LRRC56: variants seen among roughly 807,000 people sequenced by gnomAD.
LRRC56 encodes leucine-rich repeat-containing protein 56.
Under a neutral mutation model 47.8 loss-of-function variants are expected in LRRC56, and 41 were observed. That is an observed-to-expected ratio of 0.86 (90% CI 0.67 to 1.11). The LOEUF (loss-of-function observed/expected upper bound fraction) is 1.11, where lower values mean the gene tolerates loss of function less well. LRRC56 is among the 50% of genes most tolerant of loss of function. The pLI is 0.00. For synonymous variants in LRRC56, 387 were observed against 311.2 expected (o/e 1.24, Z -2.56); for missense variants, 759 against 704.2 (o/e 1.08, Z -0.88).
upstream of LRRC56, chr11:533,283 A>C: frequency 6.3e-7 from 1 of 1,592,280 alleles, no homozygotes; most frequent in Non-Finnish European, 8.5e-7. Context: ...TTACAGCGCG[A>C]GGGGCCGCTG....
rs772203177 is a variant in LRRC56 at position 540,874 on chromosome 11, G to A, written c.177+13G>A. On this transcript the variant is annotated intron_variant, in intron 4 of 13. Coordinates refer to ENST00000270115, the MANE Select transcript of LRRC56 (RefSeq NM_198075.4). ...CCCTGCCCGGCTGGTGAGTGTGGGCGCTGGGGGCTGTGGCCACAGAGGCCT... is the reference window on the plus strand; with the variant it reads ...CCCTGCCCGGCTGGTGAGTGTGGGCACTGGGGGCTGTGGCCACAGAGGCCT... The A allele has an allele frequency of 1.2e-5, 18 of 1,530,580 alleles. No individual in the cohort carries two copies. Among genetic ancestry groups the A allele is most frequent in the East Asian group, 2.5e-5 (1 of 40,794 alleles). 94.8% of individuals were successfully genotyped at this position (1,530,580 alleles called of 1,614,324 possible). A position where few individuals can be genotyped will look rare whatever the true frequency, so the allele number is the denominator to read the frequency against.
the LRRC56 span, among the ~76,000 whole-genome samples, chr11:520,539 A>C: frequency 6.6e-6 from 1 of 151,988 alleles, no homozygotes; most frequent in Non-Finnish European, 1.5e-5. Context: ...GGCTGGTCTC[A>C]AACTCCTGGC....
the LRRC56 span, among the ~76,000 whole-genome samples, chr11:510,568 TC>T: frequency 0.012 from 1,892 of 151,594 alleles, 42 homozygotes; most frequent in African/African-American, 0.043. Context: ...AGAAACCCCG[TC>T]TCTACTAATA....
At position 554,647 on chromosome 11, in the gene LRRC56, C is replaced by T. The variant is rs924081988; in HGVS notation, c.*371C>T. 1 of 404,704 alleles carries T rather than the reference C, an allele frequency of 2.5e-6. No homozygotes were observed. The allele number at this position is 404,704 out of a possible 1,614,324, so 25.1% of individuals were successfully genotyped here. The stretch of plus-strand genomic sequence containing the variant: ...GCAGGGGCTGGAGCTGCGAGTCCAC[C>T]ACTCCCTTGCCGGCCCCAGGGTAAG... On this transcript the variant is annotated 3_prime_UTR_variant, in exon 14 of 14. Coordinates refer to ENST00000270115, the MANE Select transcript of LRRC56 (RefSeq NM_198075.4).
chr11:533,825 G>A (rs1182602668), upstream of LRRC56: 2 of 1,613,256 alleles, frequency 1.2e-6, no homozygotes, highest in Admixed American at 1.7e-5. Flanking sequence ...CACACAGGAA[G>A]CCCTCCCCGG....
In LRRC56 at chr11:549,165, AAAG is replaced by A. The variant is rs1042237292; in HGVS notation, c.327-732_327-730del. The stretch of plus-strand genomic sequence containing the variant: ...CCTACGGGTGCCGTGAACTGGACAG[AAAG>A]AAGATTTCCGAAGAAATCACCCAGC... On this transcript the variant is annotated intron_variant, in intron 6 of 13. Coordinates refer to ENST00000270115, the MANE Select transcript of LRRC56 (RefSeq NM_198075.4). Among the ~76,000 whole-genome samples, 10 of 152,286 alleles carry A rather than the reference AAAG, an allele frequency of 6.6e-5. 1 individual carries two copies. Among genetic ancestry groups the A allele is most frequent in the African/African-American group, 1.4e-4 (6 of 41,566 alleles).
chr11:549,255 A>T (rs1852244740), intron 6 of LRRC56, among the ~76,000 whole-genome samples: 1 of 152,194 alleles, frequency 6.6e-6, no homozygotes. Flanking sequence ...TTTCACAAGG[A>T]GAGGTGCAGA....
chr11:544,038 G>A (rs1394403741), intron 5 of LRRC56, among the ~76,000 whole-genome samples: 5 of 152,342 alleles, frequency 3.3e-5, no homozygotes, highest in South Asian at 4.1e-4. Flanking sequence ...GTGAGCCACC[G>A]CACCCAGCCA....
chr11:527,298 CAAAA>C, the LRRC56 span, among the ~76,000 whole-genome samples: 1 of 148,724 alleles, frequency 6.7e-6, no homozygotes, highest in African/African-American at 2.5e-5. Context: ...GACTCCATCT[CAAAA>C]AAAAAAATTT....
chr11:540,948 C>T (rs1368203248), intron 4 of LRRC56, 87 bp downstream of exon 4: 3 of 1,100,156 alleles, frequency 2.7e-6, no homozygotes, highest in Non-Finnish European at 3.8e-6. Flanking sequence ...TCCAGCCTGC[C>T]CTCTGTCCCC....
chr11:552,103 C>CA lies in LRRC56; in HGVS notation c.1052_1053insA (p.Glu352ArgfsTer21). 6.2e-7 allele frequency: 1 copy of CA among 1,611,228 alleles called. No homozygotes were observed. Among genetic ancestry groups the CA allele is most frequent in the East Asian group, 2.2e-5 (1 of 44,826 alleles). On this transcript the variant is annotated frameshift_variant, in exon 12 of 14. Transcript: ENST00000270115. LOFTEE classifies it high-confidence loss of function. Reference sequence around the variant, plus strand: ...TTTCCTCCCCAGGCCAGGGAGCCCCCCGAGCAGCTGCCCCAACACAGGCCA... The same window carrying CA: ...TTTCCTCCCCAGGCCAGGGAGCCCCCACGAGCAGCTGCCCCAACACAGGCCA...
intron 6 of LRRC56, among the ~76,000 whole-genome samples, chr11:546,179 A>C (rs1852069545): frequency 6.6e-6 from 1 of 152,170 alleles, no homozygotes; most frequent in Non-Finnish European, 1.5e-5. Flanking sequence ...CTGAGGCAGG[A>C]GAGTCGCTGC....
intron 5 of LRRC56, among the ~76,000 whole-genome samples, chr11:543,995 A>G (rs913637649): frequency 4.6e-5 from 7 of 151,666 alleles, no homozygotes; most frequent in East Asian, 3.9e-4. Context: ...TGATCCACCC[A>G]CCTCAGCCTC....
At chr11:531,210 G>A in the LRRC56 span, among the ~76,000 whole-genome samples, 3 of 151,856 alleles carry the variant, frequency 2.0e-5, no homozygotes, top group African/African-American at 2.4e-5. Context: ...GGCGAGTGTG[G>A]TATTCCCTGG....
In LRRC56 at chr11:552,870, C is replaced by T. The variant is rs1329895404; in HGVS notation, c.1315+168C>T. Among the ~76,000 whole-genome samples, 4 of 152,314 alleles carry T rather than the reference C, an allele frequency of 2.6e-5. No homozygotes were observed. The East Asian group carries it at 7.7e-4, about 29-fold the overall frequency. ...CCCCCTTCTGGGGGTGGGGGGCTCACGACCAAGGGAGGCCCAACCCAAGTC... is the reference window on the plus strand; with the variant it reads ...CCCCCTTCTGGGGGTGGGGGGCTCATGACCAAGGGAGGCCCAACCCAAGTC... On this transcript the variant is annotated intron_variant, in intron 13 of 13. Coordinates refer to ENST00000270115, the MANE Select transcript of LRRC56 (RefSeq NM_198075.4).
the LRRC56 span, among the ~76,000 whole-genome samples, chr11:522,900 T>C: frequency 1.3e-3 from 196 of 152,102 alleles, 3 homozygotes; most frequent in Non-Finnish European, 1.9e-4. Context: ...AGGCATGTGC[T>C]TCCACGCCCG....
chr11:526,549 T>C, the LRRC56 span, among the ~76,000 whole-genome samples: 1 of 152,164 alleles, frequency 6.6e-6, no homozygotes, highest in Non-Finnish European at 1.5e-5. Flanking sequence ...CACAAATGCC[T>C]ATGGAGGAGG....
chr11:551,586 G>T, intron 9 of LRRC56, 65 bp from the exon 10 acceptor site: 1 of 1,498,714 alleles, frequency 6.7e-7, no homozygotes, highest in Non-Finnish European at 8.9e-7. Flanking sequence ...CCTGGTCTGT[G>T]GACAGAGTCT....
Position 554,149 on chromosome 11 carries a change from C to G in LRRC56, c.1502C>G (p.Ala501Gly). The change falls in exon 14 of 14, where the codon GCC (alanine) becomes GGC (glycine). Residue 501 changes from alanine to glycine, a missense_variant. Physicochemically the swap from Ala to Gly is moderately conservative, Grantham distance 60. Coordinates refer to ENST00000270115, the MANE Select transcript of LRRC56 (RefSeq NM_198075.4). The stretch of plus-strand genomic sequence containing the variant: ...GTGGCTGCAGTGCCTGTCCTGAGAG[C>G]CCTGGAGGTGGCCTCACGCCTGAGC... ...DGVAAVPVLR[A>G]LEVASRLSPR... 1 of 1,599,716 alleles carries G rather than the reference C, an allele frequency of 6.3e-7. No individual in the cohort carries two copies. The highest frequency in any genetic ancestry group is 8.5e-7 in the Non-Finnish European group (1 of 1,175,192).
Sources: gnomAD v4.1 joint callset for allele counts (sites outside exome capture counted in the v4.1 genomes callset) on GRCh38, gnomAD v4.1.1 for gene constraint, MANE v1.5 for transcripts, NCBI Gene and HGNC (gene_info 2026-07-23, HGNC 2026-07-21) for gene names.